UBXN2A: variants seen among roughly 807,000 people sequenced by gnomAD.
UBXN2A encodes UBX domain-containing protein 2A.
A neutral mutation model predicts 28.4 loss-of-function variants in UBXN2A; 28 were observed. That is an observed-to-expected ratio of 0.99 (90% CI 0.73 to 1.35). The LOEUF is 1.35. Ranked by LOEUF, UBXN2A falls within the 40% of genes most tolerant of loss-of-function variation. The probability of loss-of-function intolerance (pLI) is 0.00; values close to 1 mark genes in which losing one functional copy is unlikely to be tolerated. For synonymous variants in UBXN2A, 97 were observed against 103.6 expected (o/e 0.94, Z 0.39); for missense variants, 253 against 297.9 (o/e 0.85, Z 1.11).
At chr2:23,961,853 T>C (rs1297526187) in intron 2 of UBXN2A, among the ~76,000 whole-genome samples, 1 of 149,980 alleles carries the variant, frequency 6.7e-6, no homozygotes, top group East Asian at 2.0e-4. Context: ...GCCTTTTTTT[T>C]TTATTTTTTG....
intron 3 of UBXN2A, among the ~76,000 whole-genome samples, chr2:23,974,430 C>A (rs1216313726): frequency 6.6e-6 from 1 of 151,474 alleles, no homozygotes; most frequent in African/African-American, 2.4e-5. Context: ...ACTGCAAGCT[C>A]CGCCTCCCGG....
chr2:23,942,893 A>G (rs1451112262), intron 1 of UBXN2A, among the ~76,000 whole-genome samples: 2 of 152,114 alleles, frequency 1.3e-5, no homozygotes, highest in Non-Finnish European at 2.9e-5. Flanking sequence ...TAACAGTAAT[A>G]GGAAGTCGTT....
At chr2:23,989,728 C>T (rs2150908894) in intron 6 of UBXN2A, among the ~76,000 whole-genome samples, 1 of 151,966 alleles carries the variant, frequency 6.6e-6, no homozygotes, top group East Asian at 2.0e-4. Flanking sequence ...CATGGTGAAA[C>T]TCTATCTCTA....
intron 6 of UBXN2A, chr2:23,996,868 A>G (rs1293959978): frequency 1.3e-5 from 2 of 151,714 alleles, no homozygotes; most frequent in Non-Finnish European, 2.9e-5. Flanking sequence ...ACTACTGATC[A>G]GCACAGGAGT....
upstream of UBXN2A, among the ~76,000 whole-genome samples, chr2:23,939,084 C>G (rs1030035222): frequency 1.3e-5 from 2 of 151,992 alleles, no homozygotes; most frequent in Admixed American, 1.3e-4. Flanking sequence ...TCTGAGTCCC[C>G]GCACTAAAGA....
At chr2:23,999,025 G>A (rs1708647276) in intron 6 of UBXN2A, among the ~76,000 whole-genome samples, 2 of 152,064 alleles carry the variant, frequency 1.3e-5, no homozygotes, top group South Asian at 4.2e-4. Context: ...CACAGGACTG[G>A]GTCTTAGACT....
chr2:24,000,701 T>A lies in UBXN2A; in HGVS notation c.*834T>A, dbSNP rs1471461404. ...CAACAGAGTGAGACCCCTGTCTATA[T>A]ATTTTTTTAATTTAAAAAATAAAAG... On this transcript the variant is annotated 3_prime_UTR_variant, in exon 7 of 7. Coordinates refer to ENST00000309033, the MANE Select transcript of UBXN2A (RefSeq NM_181713.4). 1 of 152,170 alleles carries A rather than the reference T, an allele frequency of 6.6e-6. No homozygotes were observed. The highest frequency in any genetic ancestry group is 2.4e-5 in the African/African-American group (1 of 41,452). The allele number at this position is 152,170 out of a possible 1,614,324, so 9.4% of individuals were successfully genotyped here.
At chr2:23,992,395 G>A (rs1020122277) in intron 6 of UBXN2A, among the ~76,000 whole-genome samples, 2 of 152,220 alleles carry the variant, frequency 1.3e-5, no homozygotes, top group Non-Finnish European at 2.9e-5. Flanking sequence ...GGCAAAAGGG[G>A]TATGATCTAA....
intron 6 of UBXN2A, among the ~76,000 whole-genome samples, chr2:23,985,932 T>G (rs1708109249): frequency 1.3e-5 from 2 of 152,010 alleles, no homozygotes; most frequent in Non-Finnish European, 1.5e-5. Context: ...GAGACTGCAG[T>G]GAGCCGAATT....
chr2:23,981,220 A>C (rs1180840473), intron 4 of UBXN2A, among the ~76,000 whole-genome samples: 1 of 150,940 alleles, frequency 6.6e-6, no homozygotes, highest in East Asian at 1.9e-4. Context: ...TGTAATCTCA[A>C]CACCTTCGGA....
intron 1 of UBXN2A, among the ~76,000 whole-genome samples, chr2:23,928,917 GA>G (rs1558828719): frequency 6.6e-6 from 1 of 152,138 alleles, no homozygotes. Flanking sequence ...CCTCATAATG[GA>G]ACCATACCTG....
At chr2:23,956,703 T>C (rs1375963586) in intron 1 of UBXN2A, among the ~76,000 whole-genome samples, 1 of 152,236 alleles carries the variant, frequency 6.6e-6, no homozygotes, top group Non-Finnish European at 1.5e-5. Context: ...GTTTCCATGT[T>C]CATCTTTCTC....
chr2:23,967,091 T>TCTCTA (rs374260206), intron 2 of UBXN2A, among the ~76,000 whole-genome samples: 1 of 151,962 alleles, frequency 6.6e-6, no homozygotes, highest in Admixed American at 6.6e-5. Flanking sequence ...CTACGATACA[T>TCTCTA]CTCTACTCTA....
chr2:23,990,790 T>G (rs201639893), intron 6 of UBXN2A, among the ~76,000 whole-genome samples: 4 of 150,446 alleles, frequency 2.7e-5, no homozygotes, highest in Non-Finnish European at 5.9e-5. Context: ...AAAAAAAAAG[T>G]ATTTGCTATG....
At chr2:23,977,625 G>C (rs1001603043) in intron 4 of UBXN2A, among the ~76,000 whole-genome samples, 2 of 152,030 alleles carry the variant, frequency 1.3e-5, no homozygotes, top group Non-Finnish European at 2.9e-5. Flanking sequence ...TGGACAACAA[G>C]AGCAAAACTC....
intron 1 of UBXN2A, among the ~76,000 whole-genome samples, chr2:23,946,447 A>C (rs1706083556): frequency 6.6e-6 from 1 of 151,672 alleles, no homozygotes; most frequent in African/African-American, 2.4e-5. Context: ...CAGCCTGCTG[A>C]GTAGCTGGGA....
rs889358964 is a variant in UBXN2A at position 24,003,134 on chromosome 2, C to T, written c.*3267C>T. 6 of 152,166 alleles carry T rather than the reference C, an allele frequency of 3.9e-5. No homozygotes were observed. The highest frequency in any genetic ancestry group is 1.4e-4 in the African/African-American group (6 of 41,452). The allele number at this position is 152,166 out of a possible 1,614,324, so 9.4% of individuals were successfully genotyped here. A position where few individuals can be genotyped will look rare whatever the true frequency, so the allele number is the denominator to read the frequency against. ...ACTGTATCTGTGATGGGTCTCAGAT[C>T]TCTGCATTTTTAATCTCACGTGATT... On this transcript the variant is annotated 3_prime_UTR_variant, in exon 7 of 7. Transcript: ENST00000309033.
At chr2:23,988,433 G>C (rs1449789819) in intron 6 of UBXN2A, among the ~76,000 whole-genome samples, 1 of 152,090 alleles carries the variant, frequency 6.6e-6, no homozygotes, top group Non-Finnish European at 1.5e-5. Context: ...GTCTTCCTTT[G>C]ATTTTTATAA....
At chr2:23,952,215 C>T (rs1358975356) in intron 1 of UBXN2A, among the ~76,000 whole-genome samples, 1 of 151,994 alleles carries the variant, frequency 6.6e-6, no homozygotes, top group African/African-American at 2.4e-5. Flanking sequence ...GATCCACCTG[C>T]CTTGGCCGCC....
Sources: allele counts gnomAD v4.1 joint callset (sites outside exome capture counted in the v4.1 genomes callset), GRCh38; gene constraint gnomAD v4.1.1; transcripts MANE v1.5; gene names NCBI Gene and HGNC (gene_info 2026-07-23, HGNC 2026-07-21).